IDO2: variants seen among roughly 807,000 people sequenced by gnomAD.
IDO2 encodes the protein indoleamine 2,3-dioxygenase-like 1 protein.
In IDO2, 46 loss-of-function variants were observed where a neutral mutation model predicts 45.1. The observed-to-expected ratio is 1.02, with a 90% CI of 0.80 to 1.30. The LOEUF is 1.30. IDO2 is among the 50% of genes most tolerant of loss of function. The pLI is 0.00. For missense variants in IDO2, 544 were observed against 491.8 expected (o/e 1.11, Z -1.00); for synonymous variants, 218 against 184.9 (o/e 1.18, Z -1.45).
chr8:39,958,818 A>G (rs867145344), intron 2 of IDO2, among the ~76,000 whole-genome samples: 6 of 145,788 alleles, frequency 4.1e-5, no homozygotes, highest in Non-Finnish European at 7.6e-5. Flanking sequence ...CAAAATTTAT[A>G]CTTAATCTAA....
chr8:39,961,316 A>C, intron 2 of IDO2, among the ~76,000 whole-genome samples: 1 of 100,188 alleles, frequency 1.0e-5, no homozygotes, highest in African/African-American at 3.3e-5. Context: ...CAAATTGTAT[A>C]CTTCTTTTTT....
At chr8:39,989,975 T>A in intron 8 of IDO2, 137 bp downstream of exon 8, 1 of 592,014 alleles carries the variant, frequency 1.7e-6, no homozygotes, top group Non-Finnish European at 3.0e-6. Flanking sequence ...GTGGACTATC[T>A]TTGTTTTAGG....
chr8:39,956,301 A>T (rs1483509840), intron 2 of IDO2, among the ~76,000 whole-genome samples: 1 of 152,084 alleles, frequency 6.6e-6, no homozygotes, highest in East Asian at 1.9e-4. Context: ...ACCTCAAGTG[A>T]TCCATCTGGC....
At chr8:40,011,495 A>G (rs1160165633) in intron 9 of IDO2, among the ~76,000 whole-genome samples, 4 of 152,226 alleles carry the variant, frequency 2.6e-5, no homozygotes, top group Admixed American at 2.0e-4. Context: ...GGGTCTTAAC[A>G]TTGGACAAAT....
At chr8:39,996,073 T>TA (rs59691325) in intron 8 of IDO2, among the ~76,000 whole-genome samples, 16,299 of 141,534 alleles carry the variant, frequency 0.12, 1,337 homozygotes, top group African/African-American at 0.24. Context: ...TACCTAAGAG[T>TA]AAAAAAAAAA....
chr8:39,955,817 T>C (rs1314182389), intron 2 of IDO2, among the ~76,000 whole-genome samples: 1 of 152,232 alleles, frequency 6.6e-6, no homozygotes, highest in East Asian at 1.9e-4. Flanking sequence ...CCCAAACGTT[T>C]TCTATATTTC....
At chr8:39,936,179 A>G (rs772826746) in intron 1 of IDO2, among the ~76,000 whole-genome samples, 36 of 152,204 alleles carry the variant, frequency 2.4e-4, no homozygotes, top group Non-Finnish European at 4.1e-4. Flanking sequence ...TACCTAAAGG[A>G]TCTGGCTCTA....
chr8:40,013,812 T>C (rs1802346111), intron 10 of IDO2, 99 bp downstream of exon 10: 2 of 984,934 alleles, frequency 2.0e-6, no homozygotes, highest in Non-Finnish European at 1.4e-6. Flanking sequence ...AATTAAAATG[T>C]CATGAAGTTT....
At position 40,013,722 on chromosome 8, in the gene IDO2, G is replaced by C; in HGVS notation, c.868+9G>C. ...TCATAGCAAGGAAAGTGGTAAGTCA[G>C]ACATTTTGTTTTCCCTTGAGAGTAG... On this transcript the variant is annotated intron_variant, in intron 10 of 10. Transcript: ENST00000502986. 1 of 1,590,826 alleles carries C rather than the reference G, an allele frequency of 6.3e-7. No homozygotes were observed. The highest frequency in any genetic ancestry group is 8.6e-7 in the Non-Finnish European group (1 of 1,166,300).
intron 1 of IDO2, among the ~76,000 whole-genome samples, chr8:39,941,458 T>A (rs1807642048): frequency 6.6e-6 from 1 of 152,116 alleles, no homozygotes. Context: ...GGGGTCAGAT[T>A]TTGGACATAA....
intron 8 of IDO2, among the ~76,000 whole-genome samples, chr8:39,990,645 G>A (rs1808485848): frequency 6.6e-6 from 1 of 152,090 alleles, no homozygotes. Context: ...TTACATAATT[G>A]TCCTCATTTT....
chr8:39,961,300 T>C (rs1807993251), intron 2 of IDO2, among the ~76,000 whole-genome samples: 1 of 151,100 alleles, frequency 6.6e-6, no homozygotes, highest in Non-Finnish European at 1.5e-5. Flanking sequence ...ACTGTAGTTA[T>C]GCTTTCAAAT....
chr8:39,935,170 C>T (rs544749836), exon 1 of IDO2: 3 of 1,611,462 alleles, frequency 1.9e-6, no homozygotes, highest in Non-Finnish European at 2.5e-6. Flanking sequence ...TGAAGCTTGA[C>T]ACTTCACCCA....
chr8:39,935,023 A>G (rs897154366), exon 1 of IDO2: 6 of 720,828 alleles, frequency 8.3e-6, no homozygotes, highest in Middle Eastern at 2.4e-4. Context: ...ATGCACTGCC[A>G]GTTGAAACAT....
intron 8 of IDO2, among the ~76,000 whole-genome samples, chr8:40,000,681 A>G (rs1324107474): frequency 6.6e-6 from 1 of 152,222 alleles, no homozygotes; most frequent in Admixed American, 6.5e-5. Flanking sequence ...CATTACATAT[A>G]TTCATGCCCA....
At chr8:39,996,421 G>A (rs1185745859) in intron 8 of IDO2, among the ~76,000 whole-genome samples, 1 of 152,174 alleles carries the variant, frequency 6.6e-6, no homozygotes, top group African/African-American at 2.4e-5. Context: ...CCTGTCCAGT[G>A]GACACGTGAC....
At chr8:39,962,765 C>G (rs1808019031) in intron 2 of IDO2, among the ~76,000 whole-genome samples, 1 of 152,182 alleles carries the variant, frequency 6.6e-6, no homozygotes, top group African/African-American at 2.4e-5. Flanking sequence ...GGTGGTTCCA[C>G]CAGTTTTCCT....
intron 4 of IDO2, among the ~76,000 whole-genome samples, chr8:39,979,895 C>G (rs146934060): frequency 6.6e-6 from 1 of 152,224 alleles, no homozygotes; most frequent in African/African-American, 2.4e-5. Flanking sequence ...TCATAGCTCA[C>G]TGCAGCCTCA....
chr8:39,982,730 G>C, exon 5 of IDO2: 1 of 1,609,868 alleles, frequency 6.2e-7, no homozygotes, highest in Non-Finnish European at 8.5e-7. Flanking sequence ...GGTCCACTCA[G>C]ACTTGGTGCT....
Sources: gnomAD v4.1 joint callset for allele counts (sites outside exome capture counted in the v4.1 genomes callset) on GRCh38, gnomAD v4.1.1 for gene constraint, MANE v1.5 for transcripts, NCBI Gene and HGNC (gene_info 2026-07-23, HGNC 2026-07-21) for gene names.